The following GRIP1 variants were observed in gnomAD, a reference collection of about 807,000 sequenced individuals.
GRIP1 encodes glutamate receptor interacting protein 1, also known as glutamate receptor-interacting protein 1.
In GRIP1, 45 loss-of-function variants were observed where a neutral mutation model predicts 129.9. The ratio of observed to expected loss-of-function variants is 0.35; its 90% confidence interval spans 0.27 to 0.44. The LOEUF is 0.44. Among genes scored for constraint, GRIP1 ranks in the 20% least tolerant of loss-of-function variants. The pLI is 1.00. For synonymous variants in GRIP1, 530 were observed against 520.8 expected, an observed-to-expected ratio of 1.02 and a Z score of -0.24; for missense variants, 1,196 against 1,396.8, an observed-to-expected ratio of 0.86 and a Z score of 2.29.
chr12:66,608,154 C>A (rs1405915432), intron 1 of GRIP1, among the ~76,000 whole-genome samples: 1 of 152,140 alleles, frequency 6.6e-6, no homozygotes, highest in Non-Finnish European at 1.5e-5. Context: ...GACTGCTTAT[C>A]AAACAGATGA....
intron 1 of GRIP1, among the ~76,000 whole-genome samples, chr12:66,863,557 T>A (rs560154134): frequency 6.6e-6 from 1 of 152,112 alleles, no homozygotes; most frequent in East Asian, 1.9e-4. Context: ...AGTGCATTCC[T>A]AGCAGAGAAG....
At chr12:67,051,765 TCA>T (rs2135852323) in intron 1 of GRIP1, among the ~76,000 whole-genome samples, 1 of 152,338 alleles carries the variant, frequency 6.6e-6, no homozygotes, top group East Asian at 1.9e-4. Flanking sequence ...CAACCTCAGA[TCA>T]GAAAGAAGCT....
At position 66,452,847 on chromosome 12, in the gene GRIP1, A is replaced by T. The variant is rs370275858; in HGVS notation, c.1354+2562T>A. Among the ~76,000 whole-genome samples, 10 of 152,324 alleles carry T rather than the reference A, an allele frequency of 6.6e-5. No homozygotes were observed. In the South Asian group the frequency reaches 1.7e-3, roughly 25 times the overall value. On this transcript the variant is annotated intron_variant, in intron 11 of 24. Coordinates refer to ENST00000359742, the MANE Select transcript of GRIP1 (RefSeq NM_001366722.1). ...CCTATGCAATAAAAGAAAAGAAAAA[A>T]ATCCTCACTTAAAAAAAACAAAAAA...
chr12:66,729,422 G>GCACTTAA (rs2036359375), intron 1 of GRIP1, among the ~76,000 whole-genome samples: 1 of 152,232 alleles, frequency 6.6e-6, no homozygotes, highest in Admixed American at 6.5e-5. Flanking sequence ...ACCATGTTAT[G>GCACTTAA]CACTTAACAT....
chr12:66,900,602 T>C (rs116395346), intron 1 of GRIP1, among the ~76,000 whole-genome samples: 1 of 152,352 alleles, frequency 6.6e-6, no homozygotes, highest in African/African-American at 2.4e-5. Context: ...CCTATCTTTC[T>C]ACATAGTTTC....
chr12:67,025,648 C>T lies in GRIP1; in HGVS notation c.58+43402G>A, dbSNP rs533484173. 7.9e-5 allele frequency among the ~76,000 whole-genome samples: 12 copies of T among 152,154 alleles called. No individual in the cohort carries two copies. In the South Asian group the frequency reaches 2.1e-3, roughly 26 times the overall value. ...GAATTTCTAAGGCTAGACTATTGCC[C>T]CAGGTTTCTCTCCCCCCAGGGTTTA... On this transcript the variant is annotated intron_variant, in intron 1 of 1. Transcript: ENST00000643019.
chr12:66,526,191 A>G (rs1324678855), intron 5 of GRIP1, among the ~76,000 whole-genome samples: 3 of 150,864 alleles, frequency 2.0e-5, no homozygotes, highest in Non-Finnish European at 3.0e-5. Context: ...TAAAGTTCAT[A>G]TGGAACCAAA....
intron 24 of GRIP1, among the ~76,000 whole-genome samples, chr12:66,353,040 G>A (rs1485434713): frequency 1.3e-5 from 2 of 152,154 alleles, no homozygotes; most frequent in African/African-American, 2.4e-5. Flanking sequence ...GGGCCTTGTA[G>A]GTCATGTAGA....
At chr12:66,850,740 ATATT>A (rs1400176990) in intron 1 of GRIP1, among the ~76,000 whole-genome samples, 1 of 151,852 alleles carries the variant, frequency 6.6e-6, no homozygotes, top group African/African-American at 2.4e-5. Context: ...AAAAGTAAAT[ATATT>A]TATTTACTAT....
At chr12:66,762,766 T>C (rs985127213) in intron 1 of GRIP1, among the ~76,000 whole-genome samples, 1 of 152,216 alleles carries the variant, frequency 6.6e-6, no homozygotes, top group Admixed American at 6.5e-5. Context: ...CACACACAAC[T>C]GCAAGGTAAT....
At chr12:66,767,046 T>C (rs2037661954) in intron 1 of GRIP1, among the ~76,000 whole-genome samples, 1 of 152,224 alleles carries the variant, frequency 6.6e-6, no homozygotes, top group Admixed American at 6.5e-5. Context: ...TACAACGTTT[T>C]AATGCATTTA....
intron 7 of GRIP1, among the ~76,000 whole-genome samples, chr12:66,499,140 GATTT>G (rs1006435192): frequency 1.3e-5 from 2 of 152,180 alleles, no homozygotes; most frequent in Non-Finnish European, 2.9e-5. Flanking sequence ...TAGAAAATGG[GATTT>G]ATTGTCCTCT....
intron 1 of GRIP1, among the ~76,000 whole-genome samples, chr12:66,761,739 C>T (rs11176416): frequency 1.3e-5 from 2 of 152,164 alleles, no homozygotes; most frequent in South Asian, 2.1e-4. Flanking sequence ...ACAGCAGTCT[C>T]GAGGACTTAT....
chr12:66,528,034 C>G (rs1344797298), intron 5 of GRIP1, among the ~76,000 whole-genome samples: 1 of 151,872 alleles, frequency 6.6e-6, no homozygotes, highest in Non-Finnish European at 1.5e-5. Context: ...CATTGTCATC[C>G]TATGAGTTGA....
chr12:66,774,804 G>C (rs933332800), intron 1 of GRIP1, among the ~76,000 whole-genome samples: 1 of 152,120 alleles, frequency 6.6e-6, no homozygotes, highest in Non-Finnish European at 1.5e-5. Context: ...GGATTTTAAG[G>C]GCTGGCTTAG....
At chr12:66,455,039 A>T (rs1431674998) in intron 11 of GRIP1, among the ~76,000 whole-genome samples, 5 of 152,234 alleles carry the variant, frequency 3.3e-5, no homozygotes, top group Admixed American at 6.5e-5. Flanking sequence ...AATGAGTAAG[A>T]AACTAAGAAC....
At chr12:66,659,923 G>A (rs546716486) in intron 1 of GRIP1, among the ~76,000 whole-genome samples, 1 of 152,224 alleles carries the variant, frequency 6.6e-6, no homozygotes, top group East Asian at 1.9e-4. Context: ...AACGCATAGA[G>A]TTAACACACA....
chr12:66,872,849 T>G (rs900583681), intron 1 of GRIP1, among the ~76,000 whole-genome samples: 6 of 152,212 alleles, frequency 3.9e-5, no homozygotes, highest in African/African-American at 9.6e-5. Flanking sequence ...AACAATGATA[T>G]TATTATGCTC....
At chr12:66,808,332 C>T (rs974412507), upstream of GRIP1, among the ~76,000 whole-genome samples, 6 of 152,060 alleles carry the variant, frequency 3.9e-5, no homozygotes, top group Non-Finnish European at 7.4e-5. Context: ...GACTCTAGCT[C>T]GGTCACCCAG....
Sources: allele counts gnomAD v4.1 joint callset (sites outside exome capture counted in the v4.1 genomes callset), GRCh38; gene constraint gnomAD v4.1.1; transcripts MANE v1.5; gene names NCBI Gene and HGNC (gene_info 2026-07-23, HGNC 2026-07-21).